The following CDHR2 variants were observed in gnomAD, a reference collection of about 807,000 sequenced individuals.
CDHR2 encodes the protein cadherin related family member 2.
CDHR2 carries 104 observed loss-of-function variants against 138.6 expected under a neutral mutation model. That is an observed-to-expected ratio of 0.75 (90% CI 0.64 to 0.88). CDHR2 has a LOEUF of 0.88. Ranked by LOEUF, CDHR2 falls within the 40% of genes least tolerant of loss-of-function variation. CDHR2 has a pLI of 0.00. For synonymous variants in CDHR2, 755 were observed against 742.8 expected, an observed-to-expected ratio of 1.02 and a Z score of -0.27; for missense variants, 1,624 against 1,727.6, an observed-to-expected ratio of 0.94 and a Z score of 1.06.
intron 16 of CDHR2, among the ~76,000 whole-genome samples, chr5:176,579,751 G>A (rs1758481974): frequency 6.6e-6 from 1 of 152,180 alleles, no homozygotes; most frequent in Non-Finnish European, 1.5e-5. Flanking sequence ...GGAAAGAATT[G>A]GTTGAGTCGG....
intron 5 of CDHR2, 27 bp from the exon 6 acceptor site, chr5:176,571,186 G>A (rs1340339784): frequency 6.5e-7 from 1 of 1,533,482 alleles, no homozygotes; most frequent in Admixed American, 1.7e-5. Flanking sequence ...CTATTTTCTG[G>A]GGTCCCCTGG....
chr5:176,568,753 C>A lies in CDHR2; in HGVS notation c.200C>A (p.Ala67Asp). The A allele has an allele frequency of 1.2e-6, 2 of 1,614,238 alleles. No individual in the cohort carries two copies. Among genetic ancestry groups the A allele is most frequent in the Non-Finnish European group, 8.5e-7 (1 of 1,180,032 alleles). Residue 67 changes from alanine to aspartate, a missense_variant, in exon 4 of 32, where the codon GCC (alanine) becomes GAC (aspartate). Transcript: ENST00000261944. ...PLTYGMSGPN[A>D]YFFAVTPKTG... is the part of the protein sequence containing the mutation. ...ACCTATGGGATGAGCGGCCCCAATG[C>A]CTACTTCTTCGCTGTCACTCCGAAA...
Position 176,553,210 on chromosome 5 carries a change from C to T in CDHR2, c.-16+3796C>T, listed in dbSNP as rs1226980049. 1.3e-5 allele frequency among the ~76,000 whole-genome samples: 2 copies of T among 152,142 alleles called. No homozygotes were observed. The highest frequency in any genetic ancestry group is 2.9e-5 in the Non-Finnish European group (2 of 68,036). On this transcript the variant is annotated intron_variant, in intron 1 of 31. Coordinates refer to ENST00000261944, the MANE Select transcript of CDHR2 (RefSeq NM_017675.6). This position sits in a 1 kb window ranked among gnomAD's most constrained non-coding sequence, Gnocchi z 4.3. ...GGCTCAGCATGACCTGTGGGAAAATCGGGCAGCTCAAGAAGGAAAACCCAG... is the reference window on the plus strand; with the variant it reads ...GGCTCAGCATGACCTGTGGGAAAATTGGGCAGCTCAAGAAGGAAAACCCAG...
chr5:176,546,319 G>A (rs1436819180), upstream of CDHR2, among the ~76,000 whole-genome samples: 1 of 151,978 alleles, frequency 6.6e-6, no homozygotes, highest in Non-Finnish European at 1.5e-5. Context: ...ATCTGTAATG[G>A]GGAAAAAAAT....
Position 176,574,170 on chromosome 5 carries a change from A to G in CDHR2, c.493A>G (p.Lys165Glu). ...AGGCATGGTCGTGTACTCCATAGAG[A>G]AGGTGAGTGTGAAGGGGGCCCTGAC... ...SAGMVVYSIE[K>E]VIPSTGDSEH... The change falls in exon 7 of 32, where the codon AAG (lysine) becomes GAG (glutamate). Residue 165 changes from lysine to glutamate, a missense_variant and splice_region_variant. Physicochemically the swap from Lys to Glu is moderately conservative, Grantham distance 56. Coordinates refer to ENST00000261944, the MANE Select transcript of CDHR2 (RefSeq NM_017675.6). 1.2e-6 allele frequency: 2 copies of G among 1,612,462 alleles called. No homozygotes were observed. The highest frequency in any genetic ancestry group is 1.7e-6 in the Non-Finnish European group (2 of 1,178,660).
At chr5:176,556,270 G>A (rs1189399722) in intron 1 of CDHR2, among the ~76,000 whole-genome samples, 1 of 152,252 alleles carries the variant, frequency 6.6e-6, no homozygotes, top group Non-Finnish European at 1.5e-5. Flanking sequence ...TTAGGAGGCC[G>A]AGATGGGAGG....
chr5:176,549,862 C>T (rs1266318980), intron 1 of CDHR2, among the ~76,000 whole-genome samples: 1 of 152,200 alleles, frequency 6.6e-6, no homozygotes, highest in Non-Finnish European at 1.5e-5. Context: ...TCCGTTTCCT[C>T]ATTTATCAAA....
rs115384720 is a variant in CDHR2 at position 176,575,063 on chromosome 5, C to T, written c.496-21C>T. ...GCAGGGCTGTCCCTAGGGAGCCTGA[C>T]CCAAGTCTGCTCTGCCCCAGGTCAT... On this transcript the variant is annotated intron_variant, in intron 7 of 31. Transcript: ENST00000261944. 1.7e-3 allele frequency: 2,742 copies of T among 1,613,598 alleles called. 39 individuals carry two copies. The African/African-American group carries it at 0.032, about 19-fold the overall frequency.
intron 28 of CDHR2, 42 bp from the exon 29 acceptor site, chr5:176,591,168 G>A (rs1758832401): frequency 7.3e-7 from 1 of 1,364,560 alleles, no homozygotes; most frequent in Non-Finnish European, 1.0e-6. Context: ...GGACACAACA[G>A]GTGTGCAGCA....
At chr5:176,571,333 A>C (rs10075573) in intron 6 of CDHR2, 31 bp downstream of exon 6, 340,225 of 1,526,072 alleles carry the variant, frequency 0.22, 40,615 homozygotes, top group East Asian at 0.48. Flanking sequence ...GTTGTGGGGC[A>C]GGGGGCATCC....
At position 176,553,925 on chromosome 5, in the gene CDHR2, A is replaced by T. The variant is rs183458306; in HGVS notation, c.-16+4511A>T. 6.6e-6 allele frequency among the ~76,000 whole-genome samples: 1 copy of T among 152,254 alleles called. No individual in the cohort carries two copies. Among genetic ancestry groups the T allele is most frequent in the African/African-American group, 2.4e-5 (1 of 41,556 alleles). The stretch of plus-strand genomic sequence containing the variant: ...ACTCACTGCCCTTGACTCCAGCGCT[A>T]TGATGTCACTCTCCAGGGTGTAGCT... On this transcript the variant is annotated intron_variant, in intron 1 of 31. Coordinates refer to ENST00000261944, the MANE Select transcript of CDHR2 (RefSeq NM_017675.6). The surrounding 1 kb of genome is among the most constrained non-coding windows in gnomAD (Gnocchi z 4.3).
rs1187553927 is a variant in CDHR2, at chr5:176,578,467, G to A, written c.1677G>A (p.Gln559=). The change falls in exon 16 of 32, where the codon CAG becomes CAA. Residue 559 remains glutamine (Q), a synonymous_variant. Coordinates refer to ENST00000261944, the MANE Select transcript of CDHR2 (RefSeq NM_017675.6). ...AGGCCGTGTACTACCTGACGCTGCA[G>A]GCCACAGACGGCGGGAACCTGTCCT... ...ESQAVYYLTL[Q]ATDGGNLSSS... 6.2e-7 allele frequency: 1 copy of A among 1,613,950 alleles called. No individual in the cohort carries two copies. Among genetic ancestry groups the A allele is most frequent in the Admixed American group, 1.7e-5 (1 of 60,014 alleles).
chr5:176,555,973 C>T (rs990194767), intron 1 of CDHR2, among the ~76,000 whole-genome samples: 7 of 152,124 alleles, frequency 4.6e-5, no homozygotes, highest in African/African-American at 1.7e-4. Context: ...ATGAAACATC[C>T]TTCCTGTGTC....
intron 29 of CDHR2, 29 bp downstream of exon 29, chr5:176,591,352 G>A (rs765896521): frequency 2.5e-6 from 4 of 1,609,944 alleles, no homozygotes; most frequent in Non-Finnish European, 3.4e-6. Flanking sequence ...GTAGGTAAGA[G>A]GCCTGGTGGG....
At chr5:176,568,937 C>T (rs1758154182) in intron 4 of CDHR2, 23 bp from the exon 5 acceptor site, 1 of 1,613,670 alleles carries the variant, frequency 6.2e-7, no homozygotes. Context: ...TCACCACCGG[C>T]CCCTTCTCTC....
chr5:176,571,407 A>T, intron 6 of CDHR2, 105 bp downstream of exon 6: 1 of 709,308 alleles, frequency 1.4e-6, no homozygotes, highest in Non-Finnish European at 2.2e-6. Flanking sequence ...GTTGGGAAAA[A>T]CCTCTCCTAG....
At chr5:176,571,389 C>T in intron 6 of CDHR2, 87 bp downstream of exon 6, 1 of 945,920 alleles carries the variant, frequency 1.1e-6, no homozygotes, top group Non-Finnish European at 1.5e-6. Flanking sequence ...GTCAGTGGGG[C>T]ATTCAGAGTT....
At chr5:176,547,726 C>T (rs907997072), upstream of CDHR2, 2 of 152,254 alleles carry the variant, frequency 1.3e-5, no homozygotes, top group African/African-American at 4.8e-5. Flanking sequence ...GTGCCCCCAG[C>T]TCAAGACAAG....
At chr5:176,565,255 TCAG>T in intron 1 of CDHR2, 80 bp from the exon 2 acceptor site, 2 of 951,340 alleles carry the variant, frequency 2.1e-6, no homozygotes, top group South Asian at 2.6e-5. Flanking sequence ...GTGGGTGGGC[TCAG>T]GTCAGACCCA....
Sources: allele counts gnomAD v4.1 joint callset (sites outside exome capture counted in the v4.1 genomes callset), GRCh38; gene constraint gnomAD v4.1.1; non-coding constraint Gnocchi (gnomAD v3.1); transcripts MANE v1.5; gene names NCBI Gene and HGNC (gene_info 2026-07-23, HGNC 2026-07-21).